Variants in ZNF385D observed in about 807,000 individuals in gnomAD.
ZNF385D encodes zinc finger protein 385D.
In ZNF385D, 15 loss-of-function variants were observed where a neutral mutation model predicts 35.8. The observed-to-expected ratio is 0.42, with a 90% CI of 0.28 to 0.64. The LOEUF (loss-of-function observed/expected upper bound fraction) is 0.64. ZNF385D is among the 30% of genes least tolerant of loss of function. ZNF385D has a pLI of 0.23. For missense variants in ZNF385D, 474 were observed against 494.6 expected, an observed-to-expected ratio of 0.96 and a Z score of 0.39; for synonymous variants, 212 against 186.8, an observed-to-expected ratio of 1.13 and a Z score of -1.10.
chr3:21,956,988 C>G (rs1313569377), intron 3 of ZNF385D: 1 of 152,162 alleles, frequency 6.6e-6, no homozygotes, highest in Non-Finnish European at 1.5e-5. Flanking sequence ...GTGGGAGGGA[C>G]CTGGGGGGTG....
At chr3:21,897,511 C>T (rs1351318025) in intron 3 of ZNF385D, among the ~76,000 whole-genome samples, 2 of 152,164 alleles carry the variant, frequency 1.3e-5, no homozygotes, top group Admixed American at 6.6e-5. Context: ...TTTCTACTTC[C>T]ATTTCTCCTT....
chr3:21,742,578 G>A (rs2069570369), intron 1 of ZNF385D, among the ~76,000 whole-genome samples: 2 of 152,120 alleles, frequency 1.3e-5, no homozygotes, highest in Non-Finnish European at 2.9e-5. Context: ...ATGAGCGGCA[G>A]AAGGCAATGG....
At chr3:21,550,637 C>T (rs968692398) in intron 3 of ZNF385D, among the ~76,000 whole-genome samples, 1 of 152,128 alleles carries the variant, frequency 6.6e-6, no homozygotes, top group Non-Finnish European at 1.5e-5. Flanking sequence ...CGCGTGCCAC[C>T]ATGCCCAACT....
rs114344176 is a variant in ZNF385D at position 22,283,801 on chromosome 3, T to C, written c.106+88649A>G. Among the ~76,000 whole-genome samples the C allele has an allele frequency of 3.4e-3, 516 of 152,294 alleles. 6 individuals carry two copies. The highest frequency in any genetic ancestry group is 0.012 in the African/African-American group (487 of 41,584). ...GCTATCAAATTTTATTTGGATTCCC[T>C]GTATCTATGGGAAGGTACAATTTTC... On this transcript the variant is annotated intron_variant, in intron 2 of 5. Coordinates refer to the ZNF385D transcript ENST00000494108.
intron 3 of ZNF385D, among the ~76,000 whole-genome samples, chr3:21,861,952 C>G (rs968916367): frequency 6.6e-6 from 1 of 152,090 alleles, no homozygotes; most frequent in Non-Finnish European, 1.5e-5. Flanking sequence ...GAAAACCATG[C>G]CATGCCTTGA....
At chr3:22,011,929 G>C (rs1215813713) in intron 3 of ZNF385D, among the ~76,000 whole-genome samples, 2 of 152,084 alleles carry the variant, frequency 1.3e-5, no homozygotes, top group Non-Finnish European at 2.9e-5. Flanking sequence ...AAGGGCCTAA[G>C]CAGGCAACAG....
intron 2 of ZNF385D, among the ~76,000 whole-genome samples, chr3:21,574,070 A>AAG (rs2063418558): frequency 6.6e-6 from 1 of 151,720 alleles, no homozygotes; most frequent in Non-Finnish European, 1.5e-5. Flanking sequence ...CAAAAAAAAA[A>AAG]AAAAAGGAAG....
At chr3:21,467,427 G>A (rs1703588444) in intron 4 of ZNF385D, among the ~76,000 whole-genome samples, 1 of 152,170 alleles carries the variant, frequency 6.6e-6, no homozygotes, top group South Asian at 2.1e-4. Flanking sequence ...ACTGATGCAT[G>A]CAGATTTTAT....
At chr3:21,764,977 G>C (rs1315328527) in intron 3 of ZNF385D, among the ~76,000 whole-genome samples, 1 of 152,040 alleles carries the variant, frequency 6.6e-6, no homozygotes, top group Non-Finnish European at 1.5e-5. Flanking sequence ...TTCTAGCATT[G>C]AGACGTATCC....
At chr3:22,077,573 G>A (rs1253796886) in intron 3 of ZNF385D, among the ~76,000 whole-genome samples, 1 of 151,950 alleles carries the variant, frequency 6.6e-6, no homozygotes, top group Admixed American at 6.6e-5. Context: ...GTATCTAAAT[G>A]CAAAGCAGAC....
intron 3 of ZNF385D, among the ~76,000 whole-genome samples, chr3:22,025,274 C>G (rs1009048337): frequency 1.3e-5 from 2 of 152,296 alleles, no homozygotes; most frequent in Middle Eastern, 3.4e-3. Context: ...ATGGCCTCCC[C>G]TGAGGCAGTT....
chr3:22,050,910 ACTTC>A (rs1699313624), intron 3 of ZNF385D, among the ~76,000 whole-genome samples: 1 of 92,890 alleles, frequency 1.1e-5, no homozygotes, highest in Non-Finnish European at 2.3e-5. Context: ...GGAGAGCTTT[ACTTC>A]CAACTATGTG....
intron 3 of ZNF385D, among the ~76,000 whole-genome samples, chr3:22,166,394 G>C (rs1706332197): frequency 6.6e-6 from 1 of 152,058 alleles, no homozygotes; most frequent in Non-Finnish European, 1.5e-5. Flanking sequence ...AATGAAGAAA[G>C]GCATAGTTTG....
chr3:22,004,296 A>G (rs1696054489), intron 3 of ZNF385D, among the ~76,000 whole-genome samples: 2 of 152,202 alleles, frequency 1.3e-5, no homozygotes, highest in East Asian at 3.9e-4. Flanking sequence ...TCAAATTTAA[A>G]TACTTAAATA....
At chr3:22,239,754 AT>A (rs1036330064) in intron 2 of ZNF385D, among the ~76,000 whole-genome samples, 2 of 151,070 alleles carry the variant, frequency 1.3e-5, no homozygotes, top group African/African-American at 4.9e-5. Flanking sequence ...TTGAAAAGAA[AT>A]TTAGGGACTG....
At chr3:22,302,406 A>G (rs1702951138) in intron 2 of ZNF385D, among the ~76,000 whole-genome samples, 1 of 151,536 alleles carries the variant, frequency 6.6e-6, no homozygotes, top group Non-Finnish European at 1.5e-5. Flanking sequence ...ATATAATTGT[A>G]TTGGTATATG....
intron 2 of ZNF385D, among the ~76,000 whole-genome samples, chr3:21,577,872 C>G (rs928661270): frequency 1.3e-5 from 2 of 149,776 alleles, no homozygotes; most frequent in African/African-American, 4.9e-5. Flanking sequence ...TGATGTGTTG[C>G]AATCTCAACT....
intron 1 of ZNF385D, among the ~76,000 whole-genome samples, chr3:21,668,008 G>T (rs778548044): frequency 2.0e-5 from 3 of 152,186 alleles, no homozygotes; most frequent in Admixed American, 6.5e-5. Context: ...TGTTGGAAGA[G>T]AGCAATGTAT....
intron 3 of ZNF385D, among the ~76,000 whole-genome samples, chr3:22,096,438 A>G (rs1396311680): frequency 6.6e-6 from 1 of 152,126 alleles, no homozygotes; most frequent in Non-Finnish European, 1.5e-5. Context: ...AACAGAAAAA[A>G]TACTAATTGG....
Sources: gnomAD v4.1 joint callset for allele counts (sites outside exome capture counted in the v4.1 genomes callset) on GRCh38, gnomAD v4.1.1 for gene constraint, MANE v1.5 for transcripts, NCBI Gene and HGNC (gene_info 2026-07-23, HGNC 2026-07-21) for gene names.